CHD4: variants seen among roughly 807,000 people sequenced by gnomAD.
The protein encoded by CHD4 is chromodomain helicase DNA binding protein 4, also known as ATP-dependent chromatin remodeler CHD4.
In CHD4, 35 loss-of-function variants were observed where a neutral mutation model predicts 235.5. That is an observed-to-expected ratio of 0.15 (90% CI 0.11 to 0.20). The LOEUF (loss-of-function observed/expected upper bound fraction) is 0.20, where lower values mean the gene tolerates loss of function less well. Among genes scored for constraint, CHD4 ranks in the 10% least tolerant of loss-of-function variants. CHD4 has a pLI of 1.00. For missense variants in CHD4, 1,329 were observed against 2,432.3 expected, an observed-to-expected ratio of 0.55 and a Z score of 9.54; for synonymous variants, 900 against 850.2, an observed-to-expected ratio of 1.06 and a Z score of -1.02.
Position 6,599,784 on chromosome 12 carries a change from G to A in CHD4, c.1471C>T (p.Pro491Ser). The change falls in exon 10 of 40, where the codon CCC becomes TCC. Residue 491 changes from proline to serine, a missense_variant. Coordinates refer to ENST00000544040, the MANE Select transcript of CHD4 (RefSeq NM_001273.5). ...GATCAGTCACTCACCGTACAACGGG[G>A]ACAGAGCCATTCACCGTTGGGGATC... ...PEIPNGEWLC[P>S]RCTCPALKGK... 6.2e-7 allele frequency: 1 copy of A among 1,614,196 alleles called. No homozygotes were observed. Among genetic ancestry groups the A allele is most frequent in the Non-Finnish European group, 8.5e-7 (1 of 1,180,046 alleles).
chr12:6,603,660 C>A (rs1424359212), intron 2 of CHD4, among the ~76,000 whole-genome samples: 1 of 152,082 alleles, frequency 6.6e-6, no homozygotes, highest in Non-Finnish European at 1.5e-5. Context: ...TTCACAAGAG[C>A]CCACCCTAAC....
chr12:6,589,830 CTAAT>C (rs1418724637), intron 22 of CHD4, among the ~76,000 whole-genome samples: 1 of 151,822 alleles, frequency 6.6e-6, no homozygotes, highest in African/African-American at 2.4e-5. Flanking sequence ...AATGTCTAAT[CTAAT>C]CAAGAGAAAA....
chr12:6,598,047 A>G lies in CHD4; in HGVS notation c.1739T>C (p.Met580Thr). 2 of 1,614,174 alleles carry G rather than the reference A, an allele frequency of 1.2e-6. No homozygotes were observed. Among genetic ancestry groups the G allele is most frequent in the Non-Finnish European group, 1.7e-6 (2 of 1,180,034 alleles). ...MFRNYQRKNDMDEPPSGDFGG... is the reference protein window; with the variant it reads ...MFRNYQRKNDTDEPPSGDFGG... ...AAAGTCCCCAGAAGGTGGCTCATCC[A>G]TATCATTCTTCCGCTGATAGTTTCG... The change falls in exon 12 of 40, where the codon ATG (methionine) becomes ACG (threonine). Residue 580 changes from methionine to threonine, a missense_variant. Met to Thr is a moderately conservative substitution (Grantham distance 81). Transcript: ENST00000544040.
In CHD4 at chr12:6,593,976, CA is replaced by C. The variant is rs538416679; in HGVS notation, c.2314-361del. Among the ~76,000 whole-genome samples the C allele has an allele frequency of 9.6e-4, 146 of 152,306 alleles. 3 individuals are homozygous for C. The South Asian group carries it at 0.029, about 31-fold the overall frequency. Reference sequence around the variant, plus strand: ...TCAGCCTCCCAAGTAGCTGGGATTACAGGCGTGCACCACCACATCCGGCTAA... The same window carrying C: ...TCAGCCTCCCAAGTAGCTGGGATTACGGCGTGCACCACCACATCCGGCTAA... On this transcript the variant is annotated intron_variant, in intron 15 of 39. Coordinates refer to ENST00000544040, the MANE Select transcript of CHD4 (RefSeq NM_001273.5). The surrounding 1 kb of genome is among the most constrained non-coding windows in gnomAD (Gnocchi z 4.9).
intron 1 of CHD4, chr12:6,607,082 CG>C: frequency 1.5e-5 from 1 of 65,446 alleles, no homozygotes; most frequent in East Asian, 4.1e-4. Context: ...AAGCCGGAGG[CG>C]GGGGGTCGCG....
intron 17 of CHD4, 135 bp downstream of exon 17, chr12:6,592,956 G>T (rs1271231660): frequency 6.7e-7 from 1 of 1,501,204 alleles, no homozygotes; most frequent in Non-Finnish European, 9.0e-7. Context: ...GCCACCAAGG[G>T]CTGTCACATA....
At chr12:6,603,982 G>A (rs1592285289) in intron 2 of CHD4, among the ~76,000 whole-genome samples, 1 of 152,320 alleles carries the variant, frequency 6.6e-6, no homozygotes, top group East Asian at 1.9e-4. Context: ...GACAGTGGTA[G>A]AAGAGAATAT....
rs766621258 is a variant in CHD4 at position 6,587,690 on chromosome 12, CG to C, written c.3703+21del. 1.1e-5 allele frequency: 17 copies of C among 1,611,764 alleles called. No individual in the cohort carries two copies. In the East Asian group the frequency reaches 1.8e-4, roughly 17 times the overall value. On this transcript the variant is annotated intron_variant, in intron 24 of 39. Transcript: ENST00000544040. ...AGAGAGGCCAAGCCCCACACCAAAA[CG>C]TAAGTTCCTGACTACCTCACCTCCA...
chr12:6,602,418 A>G lies in CHD4; in HGVS notation c.180T>C (p.Pro60=). Residue 60 remains proline, a synonymous_variant, in exon 3 of 40, where the codon CCT becomes CCC. Coordinates refer to ENST00000544040, the MANE Select transcript of CHD4 (RefSeq NM_001273.5). ...KLKKKKKPKK[P]RDPKIPKSKR... ...TGCTCTTAGGGATTTTAGGGTCCCG[A>G]GGTTTCTTAGGCTTTTTCTTCTTCT... 6.2e-7 allele frequency: 1 copy of G among 1,614,008 alleles called. No individual in the cohort carries two copies. Among genetic ancestry groups the G allele is most frequent in the South Asian group, 1.1e-5 (1 of 91,076 alleles).
rs538196314 is a variant in CHD4 at position 6,593,225 on chromosome 12, C to G, written c.2518G>C (p.Glu840Gln). 1 of 1,614,084 alleles carries G rather than the reference C, an allele frequency of 6.2e-7. No individual in the cohort carries two copies. The highest frequency in any genetic ancestry group is 2.2e-5 in the East Asian group (1 of 44,888). Residue 840 changes from glutamate to glutamine, a missense_variant, in exon 17 of 40, where the codon GAG (glutamate) becomes CAG (glutamine). This residue lies in a region of CHD4 where 78 missense variants were observed against 174.8 expected (regional missense o/e 0.45). Coordinates refer to ENST00000544040, the MANE Select transcript of CHD4 (RefSeq NM_001273.5). This position sits in a 1 kb window ranked among gnomAD's most constrained non-coding sequence, Gnocchi z 4.9. ...GGKKASRMKKEASVKFHVLLT... is the reference protein window; with the variant it reads ...GGKKASRMKKQASVKFHVLLT... Reference sequence around the variant, plus strand: ...AGCACATGGAATTTCACAGATGCCTCTTTCTGCACATGAAGGCAACTTGGT... The same window carrying G: ...AGCACATGGAATTTCACAGATGCCTGTTTCTGCACATGAAGGCAACTTGGT...
chr12:6,579,983 G>A (rs1485068720), intron 33 of CHD4, among the ~76,000 whole-genome samples: 4 of 151,042 alleles, frequency 2.6e-5, no homozygotes. Context: ...GTGAACCCGG[G>A]AGGCGGAGTT....
intron 24 of CHD4, 52 bp from the exon 25 acceptor site, chr12:6,587,611 T>A (rs758838598): frequency 1.2e-6 from 2 of 1,608,708 alleles, no homozygotes; most frequent in South Asian, 2.2e-5. Flanking sequence ...GCAGCTGCAG[T>A]GGAAAAAGCA....
Position 6,577,814 on chromosome 12 carries a change from T to C in CHD4, c.5332A>G (p.Lys1778Glu). 6.2e-7 allele frequency: 1 copy of C among 1,614,258 alleles called. No individual in the cohort carries two copies. The highest frequency in any genetic ancestry group is 8.5e-7 in the Non-Finnish European group (1 of 1,180,052). The change falls in exon 37 of 40, where the codon AAG becomes GAG. Residue 1778 changes from lysine to glutamate, a missense_variant. Lys to Glu is a moderately conservative substitution (Grantham distance 56). Transcript: ENST00000544040. ...EMNRGNFLEIKNKFLARRFKL... is the reference protein window; with the variant it reads ...EMNRGNFLEIENKFLARRFKL... Reference sequence around the variant, plus strand: ...AACCTTCGAGCTAGAAATTTATTCTTGATCTCTAAGAAATTGCCACGGTTC... The same window carrying C: ...AACCTTCGAGCTAGAAATTTATTCTCGATCTCTAAGAAATTGCCACGGTTC...
rs989061413 is a variant in CHD4, at chr12:6,601,366, A to C, written c.722T>G (p.Val241Gly). 6.2e-7 allele frequency: 1 copy of C among 1,614,110 alleles called. No homozygotes were observed. Among genetic ancestry groups the C allele is most frequent in the Non-Finnish European group, 8.5e-7 (1 of 1,180,014 alleles). Residue 241 changes from valine to glycine, a missense_variant, in exon 6 of 40, where the codon GTG (valine) becomes GGG (glycine). Val to Gly is a moderately radical substitution (Grantham distance 109, BLOSUM62 -3). Coordinates refer to ENST00000544040, the MANE Select transcript of CHD4 (RefSeq NM_001273.5). The stretch of plus-strand genomic sequence containing the variant: ...TGGTGGTGCAACCTCAGTGGCTGTC[A>C]CCATGCTCTCCACCACAGCTACCGC... ...AAAVAVVESM[V>G]TATEVAPPPP...
Position 6,570,713 on chromosome 12 carries a change from G to A in CHD4, c.5722-20C>T. On this transcript the variant is annotated intron_variant, in intron 39 of 39. Coordinates refer to ENST00000544040, the MANE Select transcript of CHD4 (RefSeq NM_001273.5). ...GGCTACCTAGAGAAGGAGACCCGAGGAGTCAGAATTCCAGATGATAGGAAT... is the reference window on the plus strand; with the variant it reads ...GGCTACCTAGAGAAGGAGACCCGAGAAGTCAGAATTCCAGATGATAGGAAT... The A allele has an allele frequency of 6.2e-7, 1 of 1,614,150 alleles. No individual in the cohort carries two copies.
In CHD4 at chr12:6,592,697, G is replaced by A. The variant is rs141170312; in HGVS notation, c.2773C>T (p.His925Tyr). The change falls in exon 18 of 40, where the codon CAC (histidine) becomes TAC (tyrosine). Residue 925 changes from histidine to tyrosine, a missense_variant and splice_region_variant. His to Tyr is a moderately conservative substitution (Grantham distance 83). This residue lies in a region of CHD4 where 23 missense variants were observed against 130.0 expected (regional missense o/e 0.18). Transcript: ENST00000544040. ...LLNFLTPERF[H>Y]NLEGFLEEFA... ...GATTACAGATAAACACATACTTACT[G>A]GAACCTCTCGGGGGTGAGAAAGTTG... The A allele has an allele frequency of 1.9e-6, 3 of 1,613,494 alleles. No homozygotes were observed. The South Asian group carries it at 3.3e-5, about 18-fold the overall frequency.
intron 34 of CHD4, 31 bp from the exon 35 acceptor site, chr12:6,578,577 T>C: frequency 6.2e-7 from 1 of 1,607,008 alleles, no homozygotes; most frequent in African/African-American, 1.3e-5. Flanking sequence ...AAATGTCAGC[T>C]CCAGCCAAAG....
Position 6,601,738 on chromosome 12 carries a change from T to G in CHD4, c.467A>C (p.Glu156Ala). The change falls in exon 5 of 40, where the codon GAA (glutamate) becomes GCA (alanine). Residue 156 changes from glutamate to alanine, a missense_variant. Physicochemically the swap from Glu to Ala is moderately radical, Grantham distance 107. This residue lies in a region of CHD4 where 39 missense variants were observed against 86.6 expected (regional missense o/e 0.45). Coordinates refer to ENST00000544040, the MANE Select transcript of CHD4 (RefSeq NM_001273.5). ...GTCAATGTCTTCCATGCCCCAGTCTTCCAGGAGCTGAGCAGATGATTTAGG... is the reference window on the plus strand; with the variant it reads ...GTCAATGTCTTCCATGCCCCAGTCTGCCAGGAGCTGAGCAGATGATTTAGG... ...KEPKSSAQLLEDWGMEDIDHV... is the reference protein window; with the variant it reads ...KEPKSSAQLLADWGMEDIDHV... 1 of 1,614,122 alleles carries G rather than the reference T, an allele frequency of 6.2e-7. No individual in the cohort carries two copies. The highest frequency in any genetic ancestry group is 8.5e-7 in the Non-Finnish European group (1 of 1,180,020).
chr12:6,593,248 GGTCACTACTA>G lies in CHD4; in HGVS notation c.2515-30_2515-21del, dbSNP rs1186605510. 2 of 1,613,642 alleles carry G rather than the reference GGTCACTACTA, an allele frequency of 1.2e-6. No homozygotes were observed. Among genetic ancestry groups the G allele is most frequent in the Non-Finnish European group, 1.7e-6 (2 of 1,179,984 alleles). ...CTCTTTCTGCACATGAAGGCAACTTGGTCACTACTAGTCAGTTCCTCTGTGTAAGCACAAC... is the reference window on the plus strand; with the variant it reads ...CTCTTTCTGCACATGAAGGCAACTTGGTCAGTTCCTCTGTGTAAGCACAAC... On this transcript the variant is annotated intron_variant, in intron 16 of 39. Coordinates refer to ENST00000544040, the MANE Select transcript of CHD4 (RefSeq NM_001273.5). This position sits in a 1 kb window ranked among gnomAD's most constrained non-coding sequence, Gnocchi z 4.9.
Sources: gnomAD v4.1 joint callset for allele counts (sites outside exome capture counted in the v4.1 genomes callset) on GRCh38, gnomAD v4.1.1 for gene constraint, gnomAD v4.1.1 regional missense constraint, Gnocchi (gnomAD v3.1) non-coding constraint, MANE v1.5 for transcripts, NCBI Gene and HGNC (gene_info 2026-07-23, HGNC 2026-07-21) for gene names.